Variants in COL24A1 observed in about 807,000 individuals in gnomAD.
COL24A1 encodes collagen type XXIV alpha 1 chain.
COL24A1 carries 224 observed loss-of-function variants against 253.9 expected under a neutral mutation model. The observed-to-expected ratio is 0.88, with a 90% CI of 0.79 to 0.99. The LOEUF (loss-of-function observed/expected upper bound fraction) is 0.99. Ranked by LOEUF, COL24A1 falls within the 50% of genes least tolerant of loss-of-function variation. The pLI, the probability that COL24A1 is intolerant of heterozygous loss-of-function variation, is 0.00. For missense variants in COL24A1, 2,131 were observed against 2,068.5 expected (o/e 1.03, Z -0.59); for synonymous variants, 685 against 673.7 (o/e 1.02, Z -0.26).
intron 5 of COL24A1, among the ~76,000 whole-genome samples, chr1:86,111,469 C>G (rs564277008): frequency 9.9e-5 from 15 of 152,266 alleles, no homozygotes; most frequent in African/African-American, 2.6e-4. Flanking sequence ...ATGCACCAAT[C>G]AGCACTCTGT....
intron 57 of COL24A1, among the ~76,000 whole-genome samples, chr1:85,742,444 C>A (rs1664755861): frequency 6.6e-6 from 1 of 152,110 alleles, no homozygotes; most frequent in African/African-American, 2.4e-5. Context: ...GACCTCATTT[C>A]TTCCTTTACT....
chr1:85,754,691 T>C (rs577624235), intron 55 of COL24A1, among the ~76,000 whole-genome samples: 1 of 151,734 alleles, frequency 6.6e-6, no homozygotes, highest in Non-Finnish European at 1.5e-5. Context: ...GAAATAAAAA[T>C]TTACTAGATA....
At chr1:86,142,814 G>A (rs186453653) in intron 2 of COL24A1, among the ~76,000 whole-genome samples, 33 of 152,158 alleles carry the variant, frequency 2.2e-4, no homozygotes, top group East Asian at 1.5e-3. Flanking sequence ...GGCCTACTAA[G>A]TGCCTAGCAC....
At chr1:85,965,562 TGA>T (rs377121904) in intron 22 of COL24A1, among the ~76,000 whole-genome samples, 25 of 148,610 alleles carry the variant, frequency 1.7e-4, no homozygotes, top group Non-Finnish European at 1.6e-4. Context: ...TTGATGACAA[TGA>T]GAGAGAGAGA....
chr1:85,769,482 C>T (rs1558051886), intron 53 of COL24A1, among the ~76,000 whole-genome samples: 1 of 151,884 alleles, frequency 6.6e-6, no homozygotes, highest in African/African-American at 2.4e-5. Flanking sequence ...GGTATTATGT[C>T]CAGGGTGGGA....
At chr1:85,825,363 G>T (rs1028397476) in intron 43 of COL24A1, among the ~76,000 whole-genome samples, 21 of 152,170 alleles carry the variant, frequency 1.4e-4, no homozygotes, top group African/African-American at 5.1e-4. Flanking sequence ...TTGCTATTGT[G>T]AATAACGCCG....
chr1:85,744,021 A>C (rs1300301848), intron 57 of COL24A1, among the ~76,000 whole-genome samples: 2 of 152,136 alleles, frequency 1.3e-5, no homozygotes, highest in African/African-American at 4.8e-5. Context: ...TTTTCAAATC[A>C]TACATTTTTT....
At chr1:85,874,559 A>G (rs1680910849) in intron 35 of COL24A1, 90 bp downstream of exon 35, 1 of 1,160,288 alleles carries the variant, frequency 8.6e-7, no homozygotes, top group East Asian at 2.4e-5. Context: ...AAGGTTTATT[A>G]TCCAATTTTT....
At chr1:85,971,235 A>C in intron 21 of COL24A1, 105 bp downstream of exon 21, 1 of 811,808 alleles carries the variant, frequency 1.2e-6, no homozygotes. Flanking sequence ...GGTAACTGGA[A>C]ATCTGATGGT....
chr1:85,781,063 G>C (rs908768522), intron 52 of COL24A1, among the ~76,000 whole-genome samples, 157 bp downstream of exon 52: 1 of 151,714 alleles, frequency 6.6e-6, no homozygotes, highest in African/African-American at 2.4e-5. Context: ...TTACACATAT[G>C]GTCCCTAACT....
At chr1:85,964,613 C>T (rs929458750) in intron 23 of COL24A1, among the ~76,000 whole-genome samples, 1 of 152,082 alleles carries the variant, frequency 6.6e-6, no homozygotes, top group African/African-American at 2.4e-5. Flanking sequence ...CATCCAAAAT[C>T]TGAAGATCTG....
intron 37 of COL24A1, among the ~76,000 whole-genome samples, chr1:85,851,001 G>GTGTGTATATA (rs1553198847): frequency 7.2e-6 from 1 of 139,172 alleles, no homozygotes; most frequent in Admixed American, 7.3e-5. Flanking sequence ...GTGTGTGTGT[G>GTGTGTATATA]TATATATATA....
intron 12 of COL24A1, 118 bp downstream of exon 12, chr1:86,046,707 T>C: frequency 8.5e-7 from 1 of 1,180,440 alleles, no homozygotes; most frequent in Non-Finnish European, 1.2e-6. Flanking sequence ...AAAATTAAAA[T>C]GGAATGATTA....
At chr1:86,070,836 G>C (rs1188644115) in intron 7 of COL24A1, among the ~76,000 whole-genome samples, 1 of 151,948 alleles carries the variant, frequency 6.6e-6, no homozygotes, top group Non-Finnish European at 1.5e-5. Context: ...AATGCTAAAG[G>C]GAGTCATTCA....
chr1:85,919,951 C>T (rs1006526270), intron 24 of COL24A1, among the ~76,000 whole-genome samples: 1 of 152,188 alleles, frequency 6.6e-6, no homozygotes, highest in Non-Finnish European at 1.5e-5. Flanking sequence ...GTTAATCTCA[C>T]AGAAAGTGCA....
intron 2 of COL24A1, among the ~76,000 whole-genome samples, chr1:86,128,621 G>C (rs1406252912): frequency 6.6e-6 from 1 of 151,750 alleles, no homozygotes; most frequent in Non-Finnish European, 1.5e-5. Flanking sequence ...AATATCATTG[G>C]GAGGAGTATT....
In COL24A1 at chr1:85,920,868, G is replaced by A. The variant is rs182212799; in HGVS notation, c.2563-9435C>T. On this transcript the variant is annotated intron_variant, in intron 24 of 59. Coordinates refer to ENST00000370571, the MANE Select transcript of COL24A1 (RefSeq NM_152890.7). ...ATAATAAGAATGATGTAGTACATAC[G>A]CTGATGATAAACCAGGAACAAGAAG... Among the ~76,000 whole-genome samples the A allele has an allele frequency of 3.9e-5, 6 of 151,944 alleles. No homozygotes were observed. In the East Asian group the frequency reaches 7.7e-4, roughly 20 times the overall value.
chr1:85,874,580 G>C (rs112815588), intron 35 of COL24A1, 69 bp downstream of exon 35: 1 of 1,396,664 alleles, frequency 7.2e-7, no homozygotes. Flanking sequence ...TGAGTGTTTC[G>C]AATAATAAGT....
At chr1:85,945,347 A>G (rs1439454294) in intron 24 of COL24A1, among the ~76,000 whole-genome samples, 4 of 151,732 alleles carry the variant, frequency 2.6e-5, no homozygotes, top group Admixed American at 6.6e-5. Flanking sequence ...ATAATAATAC[A>G]TAACAACATT....
Sources: allele counts gnomAD v4.1 joint callset (sites outside exome capture counted in the v4.1 genomes callset), GRCh38; gene constraint gnomAD v4.1.1; transcripts MANE v1.5; gene names NCBI Gene and HGNC (gene_info 2026-07-23, HGNC 2026-07-21).